The following UXS1 variants were observed in gnomAD, a reference collection of about 807,000 sequenced individuals.
UXS1 encodes UDP-glucuronic acid decarboxylase 1.
UXS1 carries 33 observed loss-of-function variants against 62.6 expected under a neutral mutation model. The observed-to-expected ratio is 0.53, with a 90% CI of 0.40 to 0.70. The LOEUF (loss-of-function observed/expected upper bound fraction) is 0.70. Among genes scored for constraint, UXS1 ranks in the 30% least tolerant of loss-of-function variants. The probability of loss-of-function intolerance (pLI) is 0.00; values close to 1 mark genes in which losing one functional copy is unlikely to be tolerated. For missense variants in UXS1, 434 were observed against 556.3 expected, an observed-to-expected ratio of 0.78 and a Z score of 2.21; for synonymous variants, 213 against 206.8, an observed-to-expected ratio of 1.03 and a Z score of -0.26.
intron 1 of UXS1, among the ~76,000 whole-genome samples, chr2:106,177,692 C>G (rs1244571940): frequency 6.6e-6 from 1 of 152,216 alleles, no homozygotes; most frequent in East Asian, 1.9e-4. Context: ...CATCTATGAA[C>G]AGGAATTGGG....
chr2:106,138,917 A>G (rs139235060), intron 6 of UXS1: 2 of 980,412 alleles, frequency 2.0e-6, no homozygotes, highest in African/African-American at 1.7e-5. Context: ...TTGGTTAAAT[A>G]ATCTGGTGAG....
intron 1 of UXS1, among the ~76,000 whole-genome samples, chr2:106,190,641 G>A (rs1039898188): frequency 6.6e-6 from 1 of 151,398 alleles, no homozygotes; most frequent in Admixed American, 6.6e-5. Flanking sequence ...TACTCAGGAG[G>A]CTGAGGCAGG....
intron 1 of UXS1, among the ~76,000 whole-genome samples, chr2:106,182,584 G>A (rs1266162143): frequency 6.6e-6 from 1 of 152,164 alleles, no homozygotes; most frequent in Non-Finnish European, 1.5e-5. Context: ...GAAGGTGAGA[G>A]AGGGATCTAG....
intron 11 of UXS1, chr2:106,102,231 C>T (rs940189434): frequency 5.3e-5 from 8 of 152,206 alleles, no homozygotes; most frequent in Non-Finnish European, 7.3e-5. Flanking sequence ...CAAAAAGTCA[C>T]TTCATCACTA....
chr2:106,157,612 C>G (rs1287895413), intron 5 of UXS1, among the ~76,000 whole-genome samples: 2 of 152,162 alleles, frequency 1.3e-5, no homozygotes, highest in African/African-American at 4.8e-5. Context: ...AAGGTGGAAA[C>G]AACTCCAAAT....
At position 106,096,816 on chromosome 2, in the gene UXS1, C is replaced by A; in HGVS notation, c.1048G>T (p.Gly350Ter). ...AQLIKNLVGS[G>*]SEIQFLSEAQ... ...TCGGAGAGAAACTGAATTTCACTTC[C>A]GCTACCTGAGATGTTTAAAGAAAAA... Residue 350 changes from glycine (G) to a stop codon, truncating the protein, a stop_gained, in exon 14 of 15, where the codon GGA (glycine) becomes TGA (stop). Transcript: ENST00000283148. LOFTEE classifies it high-confidence loss of function. 1 of 1,583,448 alleles carries A rather than the reference C, an allele frequency of 6.3e-7. No individual in the cohort carries two copies. The highest frequency in any genetic ancestry group is 2.3e-5 in the East Asian group (1 of 43,934).
At chr2:106,125,442 G>A (rs562649383) in intron 8 of UXS1, among the ~76,000 whole-genome samples, 178 bp downstream of exon 8, 2 of 152,344 alleles carry the variant, frequency 1.3e-5, no homozygotes, top group East Asian at 3.9e-4. Context: ...AACAAGAGAG[G>A]CTGTCCCACA....
intron 1 of UXS1, among the ~76,000 whole-genome samples, chr2:106,190,056 C>A (rs1248276646): frequency 6.6e-6 from 1 of 152,162 alleles, no homozygotes; most frequent in Non-Finnish European, 1.5e-5. Flanking sequence ...GGAAGGGGTG[C>A]TGACCAAGGG....
chr2:106,141,850 G>C (rs976715844), intron 6 of UXS1, among the ~76,000 whole-genome samples: 1 of 146,056 alleles, frequency 6.8e-6, no homozygotes, highest in African/African-American at 2.5e-5. Context: ...AAAACAACTG[G>C]ATGTTAGCTT....
At chr2:106,159,288 A>G (rs1219451240) in intron 4 of UXS1, 1 of 152,164 alleles carries the variant, frequency 6.6e-6, no homozygotes, top group Non-Finnish European at 1.5e-5. Flanking sequence ...ACGCATGAGG[A>G]CCGCTCCACA....
chr2:106,157,276 T>TAA (rs5833171), intron 5 of UXS1, among the ~76,000 whole-genome samples: 30 of 151,778 alleles, frequency 2.0e-4, no homozygotes, highest in South Asian at 4.2e-4. Context: ...GCTGTTACTT[T>TAA]AAAAAAAATG....
chr2:106,171,954 T>A (rs1440508213), intron 1 of UXS1, among the ~76,000 whole-genome samples: 1 of 152,238 alleles, frequency 6.6e-6, no homozygotes, highest in African/African-American at 2.4e-5. Context: ...TGCTGGATGC[T>A]CAGTGAAATC....
intron 10 of UXS1, among the ~76,000 whole-genome samples, chr2:106,110,295 C>T (rs547583204): frequency 3.7e-4 from 56 of 152,308 alleles, no homozygotes; most frequent in African/African-American, 1.3e-3. Context: ...GGCACAAAAG[C>T]TTGCTCGGTG....
At chr2:106,123,324 G>T (rs1222436819) in intron 8 of UXS1, among the ~76,000 whole-genome samples, 3 of 151,788 alleles carry the variant, frequency 2.0e-5, no homozygotes, top group Non-Finnish European at 4.4e-5. Flanking sequence ...AAAAGATCAG[G>T]TCTCCCAATT....
chr2:106,141,297 T>C (rs1681075941), intron 6 of UXS1, among the ~76,000 whole-genome samples: 1 of 152,048 alleles, frequency 6.6e-6, no homozygotes. Context: ...ACATAATAGG[T>C]TATATAAAAA....
intron 5 of UXS1, among the ~76,000 whole-genome samples, chr2:106,150,994 T>A (rs1269868928): frequency 6.6e-6 from 1 of 152,230 alleles, no homozygotes; most frequent in Admixed American, 6.5e-5. Flanking sequence ...GGTTTTGGAC[T>A]TACTTGGGAC....
At chr2:106,103,147 C>T (rs780253078) in intron 11 of UXS1, among the ~76,000 whole-genome samples, 2 of 152,238 alleles carry the variant, frequency 1.3e-5, no homozygotes, top group Non-Finnish European at 2.9e-5. Context: ...GCATTTTGTC[C>T]TGAGCTGGGA....
intron 1 of UXS1, among the ~76,000 whole-genome samples, chr2:106,174,454 G>C (rs1370041409): frequency 6.6e-6 from 1 of 152,220 alleles, no homozygotes; most frequent in African/African-American, 2.4e-5. Context: ...CACAAGATAA[G>C]AGCACCAGAG....
intron 1 of UXS1, among the ~76,000 whole-genome samples, chr2:106,181,625 C>G (rs1358910130): frequency 6.6e-6 from 1 of 152,062 alleles, no homozygotes; most frequent in Non-Finnish European, 1.5e-5. Context: ...ACTGAGGCAC[C>G]AGAATCACTT....
Sources: gnomAD v4.1 joint callset for allele counts (sites outside exome capture counted in the v4.1 genomes callset) on GRCh38, gnomAD v4.1.1 for gene constraint, MANE v1.5 for transcripts, NCBI Gene and HGNC (gene_info 2026-07-23, HGNC 2026-07-21) for gene names.